The following TENM4 variants were observed in gnomAD, a reference collection of about 807,000 sequenced individuals.
The protein encoded by TENM4 is teneurin transmembrane protein 4.
TENM4 carries 82 observed loss-of-function variants against 243.3 expected under a neutral mutation model. The observed-to-expected ratio is 0.34, with a 90% confidence interval of 0.28 to 0.40. TENM4 has a LOEUF of 0.40. Ranked by LOEUF, TENM4 falls within the 10% of genes least tolerant of loss-of-function variation. TENM4 has a pLI of 1.00. For synonymous variants in TENM4, 1,412 were observed against 1,456.3 expected, an observed-to-expected ratio of 0.97 and a Z score of 0.69; for missense variants, 3,138 against 3,673.3, an observed-to-expected ratio of 0.85 and a Z score of 3.77.
intron 1 of TENM4, among the ~76,000 whole-genome samples, chr11:79,344,720 A>C (rs1210703492): frequency 1.3e-5 from 2 of 152,232 alleles, no homozygotes; most frequent in Non-Finnish European, 2.9e-5. Context: ...TACTCAGGAA[A>C]AACCAGCAGT....
chr11:79,258,891 GA>G (rs1403462958), intron 2 of TENM4, among the ~76,000 whole-genome samples: 2 of 152,156 alleles, frequency 1.3e-5, no homozygotes, highest in East Asian at 3.8e-4. Flanking sequence ...CTCATCTGAA[GA>G]AAAACATGCC....
At chr11:79,172,333 C>T (rs1276888956) in intron 3 of TENM4, among the ~76,000 whole-genome samples, 1 of 152,218 alleles carries the variant, frequency 6.6e-6, no homozygotes, top group Non-Finnish European at 1.5e-5. Context: ...CAGCCCACTA[C>T]AGCCTCCTAA....
chr11:78,877,646 A>C (rs1490589454), intron 9 of TENM4, among the ~76,000 whole-genome samples: 4 of 152,090 alleles, frequency 2.6e-5, no homozygotes, highest in African/African-American at 7.2e-5. Context: ...GGGGGCTTTA[A>C]ATTGCCCCCA....
Position 78,701,980 on chromosome 11 carries a change from A to G in TENM4, c.4633T>C (p.Cys1545Arg), listed in dbSNP as rs759856095. 5.0e-6 allele frequency: 8 copies of G among 1,614,046 alleles called. No homozygotes were observed. In the South Asian group the frequency reaches 6.6e-5, roughly 13 times the overall value. Residue 1545 changes from cysteine to arginine, a missense_variant, in exon 28 of 34, where the codon TGT (cysteine) becomes CGT (arginine). Cys to Arg is a radical substitution (Grantham distance 180). This residue lies in a region of TENM4 where 2,467 missense variants were observed against 3,059.1 expected (regional missense o/e 0.81). Coordinates refer to ENST00000278550, the MANE Select transcript of TENM4 (RefSeq NM_001098816.3). ...GCCACGTAGAGCTCCCCATCAGCAC[A>G]CACAGCCAAGGAAGATGGGGTATTT... is the stretch of plus-strand genomic sequence containing the variant. Reference protein sequence around the residue: ...KLNTPSSLAVCADGELYVADL... With the variant: ...KLNTPSSLAVRADGELYVADL...
At chr11:79,431,181 T>C (rs1293519211) in intron 1 of TENM4, among the ~76,000 whole-genome samples, 3 of 152,246 alleles carry the variant, frequency 2.0e-5, no homozygotes, top group Non-Finnish European at 4.4e-5. Context: ...TAGTCCTGCT[T>C]CAACAAATAT....
chr11:79,235,362 G>C (rs934397924), intron 2 of TENM4, among the ~76,000 whole-genome samples: 1 of 152,094 alleles, frequency 6.6e-6, no homozygotes, highest in Non-Finnish European at 1.5e-5. Flanking sequence ...CAAATTCTGA[G>C]AGACAGGGTG....
intron 24 of TENM4, among the ~76,000 whole-genome samples, chr11:78,721,626 G>A (rs896283944): frequency 1.2e-4 from 18 of 152,292 alleles, no homozygotes; most frequent in African/African-American, 4.3e-4. Context: ...TACCAAAGGG[G>A]AATAATAATA....
At chr11:78,674,646 T>C (rs1858418156) in intron 30 of TENM4, among the ~76,000 whole-genome samples, 1 of 150,096 alleles carries the variant, frequency 6.7e-6, no homozygotes, top group Non-Finnish European at 1.5e-5. Flanking sequence ...CAGAGGCGCA[T>C]GCAGGAGTCT....
chr11:79,386,208 T>C (rs938186570), intron 1 of TENM4, among the ~76,000 whole-genome samples: 1 of 151,968 alleles, frequency 6.6e-6, no homozygotes. Flanking sequence ...CTATTGGTTA[T>C]CCATATGCAA....
intron 6 of TENM4, among the ~76,000 whole-genome samples, chr11:78,995,061 C>T (rs1018343941): frequency 1.1e-4 from 16 of 152,124 alleles, no homozygotes; most frequent in African/African-American, 2.9e-4. Context: ...AGAGTGCTAT[C>T]GGGTAAGGGA....
chr11:79,360,403 T>A (rs946665187), intron 1 of TENM4, among the ~76,000 whole-genome samples: 5 of 152,208 alleles, frequency 3.3e-5, no homozygotes, highest in African/African-American at 1.2e-4. Flanking sequence ...CCACTCAGGA[T>A]CAGCGTGTTG....
At chr11:79,007,103 A>G in intron 6 of TENM4, among the ~76,000 whole-genome samples, 1 of 152,200 alleles carries the variant, frequency 6.6e-6, no homozygotes, top group African/African-American at 2.4e-5. Flanking sequence ...CCTACCCTGC[A>G]GATTTTGGGC....
intron 3 of TENM4, among the ~76,000 whole-genome samples, chr11:79,161,346 G>A (rs1862742537): frequency 6.6e-6 from 1 of 152,208 alleles, no homozygotes; most frequent in South Asian, 2.1e-4. Context: ...GTTGAAACGT[G>A]TGCCTTCAAA....
At position 78,934,279 on chromosome 11, in the gene TENM4, A is replaced by G. The variant is rs909965588; in HGVS notation, c.494-30756T>C. Reference sequence around the variant, plus strand: ...AGAATCAGAGAGGCAATTAAACCTGACATGCTTATCTTAAAAGGAAGAAAA... The same window carrying G: ...AGAATCAGAGAGGCAATTAAACCTGGCATGCTTATCTTAAAAGGAAGAAAA... On this transcript the variant is annotated intron_variant, in intron 6 of 33. Transcript: ENST00000278550. Among the ~76,000 whole-genome samples the G allele has an allele frequency of 2.6e-5, 4 of 152,184 alleles. No homozygotes were observed. In the South Asian group the frequency reaches 8.3e-4, roughly 32 times the overall value.
intron 6 of TENM4, among the ~76,000 whole-genome samples, chr11:78,972,112 T>C (rs547446889): frequency 6.6e-6 from 1 of 152,324 alleles, no homozygotes; most frequent in East Asian, 1.9e-4. Context: ...ATTGTGAATA[T>C]GAGATTTTTT....
chr11:78,961,889 G>T (rs1228288663), intron 6 of TENM4, among the ~76,000 whole-genome samples: 1 of 151,586 alleles, frequency 6.6e-6, no homozygotes, highest in South Asian at 2.1e-4. Flanking sequence ...CATCTTTGTC[G>T]GTACATCTGC....
rs140905401 is a variant in TENM4, at chr11:79,437,365, C to T, written c.-321+3144G>A. ...CCGCTGAAAGCCCAACTGCAGAGCGCCCGGAGCGCGCTGTGAGTCCGCAGG... is the reference window on the plus strand; with the variant it reads ...CCGCTGAAAGCCCAACTGCAGAGCGTCCGGAGCGCGCTGTGAGTCCGCAGG... On this transcript the variant is annotated intron_variant, in intron 1 of 33. Transcript: ENST00000278550. Among the ~76,000 whole-genome samples, 663 of 152,350 alleles carry T rather than the reference C, an allele frequency of 4.4e-3. 4 individuals are homozygous for T. Among genetic ancestry groups the T allele is most frequent in the African/African-American group, 0.015 (627 of 41,594 alleles).
intron 1 of TENM4, among the ~76,000 whole-genome samples, chr11:79,343,904 C>T (rs115294802): frequency 0.013 from 1,960 of 152,312 alleles, 45 homozygotes; most frequent in African/African-American, 0.046. Flanking sequence ...TTGTGTCTGC[C>T]ACGGTGGACA....
intron 1 of TENM4, among the ~76,000 whole-genome samples, chr11:79,422,810 G>T (rs1335905013): frequency 6.6e-6 from 1 of 152,182 alleles, no homozygotes; most frequent in East Asian, 1.9e-4. Context: ...TGGCCCAGGA[G>T]CCTCTCTGGG....
Sources: allele counts gnomAD v4.1 joint callset (sites outside exome capture counted in the v4.1 genomes callset), GRCh38; gene constraint gnomAD v4.1.1; regional missense constraint gnomAD v4.1.1; transcripts MANE v1.5; gene names NCBI Gene and HGNC (gene_info 2026-07-23, HGNC 2026-07-21).